Variants in TMC2 observed in about 807,000 individuals in gnomAD.
TMC2 encodes transmembrane channel like 2.
Under a neutral mutation model 105.9 loss-of-function variants are expected in TMC2, and 102 were observed. The observed-to-expected ratio is 0.96, with a 90% confidence interval of 0.82 to 1.14. The LOEUF (loss-of-function observed/expected upper bound fraction) is 1.14, where lower values mean the gene tolerates loss of function less well. Ranked by LOEUF, TMC2 falls within the 50% of genes most tolerant of loss-of-function variation. The pLI, the probability that TMC2 is intolerant of heterozygous loss-of-function variation, is 0.00. For synonymous variants in TMC2, 402 were observed against 422.8 expected, an observed-to-expected ratio of 0.95 and a Z score of 0.60; for missense variants, 1,093 against 1,134.3, an observed-to-expected ratio of 0.96 and a Z score of 0.52.
At chr20:2,629,866 T>C (rs996705) in intron 17 of TMC2, among the ~76,000 whole-genome samples, 114,904 of 152,234 alleles carry the variant, frequency 0.75, 43,510 homozygotes, top group East Asian at 0.87. Context: ...TATTGGAACA[T>C]ATTCATGCTC....
chr20:2,573,312 A>T (rs1437194440), intron 5 of TMC2, among the ~76,000 whole-genome samples: 1 of 152,024 alleles, frequency 6.6e-6, no homozygotes, highest in East Asian at 1.9e-4. Context: ...CACATCTAGG[A>T]TACCATACAT....
At chr20:2,637,064 C>T (rs1186721023) in intron 18 of TMC2, among the ~76,000 whole-genome samples, 1 of 152,026 alleles carries the variant, frequency 6.6e-6, no homozygotes, top group African/African-American at 2.4e-5. Context: ...GTTGTGAGGA[C>T]CAGTAACAGG....
intron 7 of TMC2, among the ~76,000 whole-genome samples, chr20:2,582,012 C>G (rs749103440): frequency 1.3e-5 from 2 of 151,712 alleles, no homozygotes; most frequent in African/African-American, 2.4e-5. Flanking sequence ...GAAAGAGGAG[C>G]CTTGGCTTGG....
intron 11 of TMC2, among the ~76,000 whole-genome samples, chr20:2,605,119 C>G (rs972842468): frequency 1.3e-5 from 2 of 152,118 alleles, no homozygotes; most frequent in South Asian, 4.1e-4. Context: ...TCTGTGCTCA[C>G]TCTGATTAGT....
chr20:2,579,453 G>A (rs556299431), intron 6 of TMC2, among the ~76,000 whole-genome samples: 7 of 149,554 alleles, frequency 4.7e-5, no homozygotes, highest in African/African-American at 9.9e-5. Flanking sequence ...ACAGAGTCTC[G>A]CTCTGTTGCC....
Position 2,616,944 on chromosome 20 carries a change from C to G in TMC2, c.1941-128C>G, listed in dbSNP as rs2086486771. The G allele has an allele frequency of 3.8e-6, 4 of 1,062,234 alleles. No individual in the cohort carries two copies. The South Asian group carries it at 6.1e-5, about 16-fold the overall frequency. The allele number at this position is 1,062,234 out of a possible 1,614,324, so 65.8% of individuals were successfully genotyped here. A position where few individuals can be genotyped will look rare whatever the true frequency, so the allele number is the denominator to read the frequency against. Reference sequence around the variant, plus strand: ...TTCTGGTTAAATGGGAGGCCCCTTACCTGGGGACTTGCCAGGAAAGCAGCT... The same window carrying G: ...TTCTGGTTAAATGGGAGGCCCCTTAGCTGGGGACTTGCCAGGAAAGCAGCT... On this transcript the variant is annotated intron_variant, in intron 15 of 19. Transcript: ENST00000358864. This position sits in a 1 kb window ranked among gnomAD's most constrained non-coding sequence, Gnocchi z 4.8.
At chr20:2,555,092 G>A (rs1377528527) in intron 2 of TMC2, among the ~76,000 whole-genome samples, 1 of 151,586 alleles carries the variant, frequency 6.6e-6, no homozygotes, top group Admixed American at 6.6e-5. Flanking sequence ...TTTTTGTTTT[G>A]TTTTTTGAGA....
chr20:2,594,227 T>C (rs1052175422), intron 8 of TMC2, among the ~76,000 whole-genome samples: 8 of 139,074 alleles, frequency 5.8e-5, no homozygotes, highest in Non-Finnish European at 1.3e-4. Context: ...AAGGATTCCT[T>C]TTTTTTTTTT....
chr20:2,562,028 C>A lies in TMC2; in HGVS notation c.554+18C>A. 2 of 1,608,570 alleles carry A rather than the reference C, an allele frequency of 1.2e-6. No individual in the cohort carries two copies. Among genetic ancestry groups the A allele is most frequent in the South Asian group, 2.2e-5 (2 of 90,312 alleles). On this transcript the variant is annotated intron_variant, in intron 4 of 19. Coordinates refer to ENST00000358864, the MANE Select transcript of TMC2 (RefSeq NM_080751.3). Reference sequence around the variant, plus strand: ...GAGCTCAGGTGAGCAGGCTGCGGGTCAGCCAGGGCCTTCCGATGTCCACAG... The same window carrying A: ...GAGCTCAGGTGAGCAGGCTGCGGGTAAGCCAGGGCCTTCCGATGTCCACAG...
intron 2 of TMC2, among the ~76,000 whole-genome samples, chr20:2,557,062 T>C (rs1267902737): frequency 6.6e-6 from 1 of 152,200 alleles, no homozygotes. Flanking sequence ...TAGGTGGAGA[T>C]TTTTGGCATT....
In TMC2 at chr20:2,558,874, G is replaced by A; in HGVS notation, c.401+100G>A. ...GAGGGACTGATGCCCCCCTCCCCGG[G>A]GAGAGGCAGCCCGTGCCCTCGCTCT... On this transcript the variant is annotated intron_variant, in intron 3 of 19. Coordinates refer to ENST00000358864, the MANE Select transcript of TMC2 (RefSeq NM_080751.3). This position sits in a 1 kb window ranked among gnomAD's most constrained non-coding sequence, Gnocchi z 4.6. 1 of 1,267,186 alleles carries A rather than the reference G, an allele frequency of 7.9e-7. No individual in the cohort carries two copies. Among genetic ancestry groups the A allele is most frequent in the Non-Finnish European group, 1.1e-6 (1 of 936,488 alleles). 78.5% of individuals were successfully genotyped at this position (1,267,186 alleles called of 1,614,324 possible). A position where few individuals can be genotyped will look rare whatever the true frequency, so the allele number is the denominator to read the frequency against.
chr20:2,616,049 C>A lies in TMC2; in HGVS notation c.1873-88C>A. ...TTGGGATGGAATGGCCTTGGCTTGG[C>A]CAGTTGGTTGGTAGTAGGGTTTGGC... On this transcript the variant is annotated intron_variant, in intron 14 of 19. Coordinates refer to ENST00000358864, the MANE Select transcript of TMC2 (RefSeq NM_080751.3). The surrounding 1 kb of genome is among the most constrained non-coding windows in gnomAD (Gnocchi z 4.8). The A allele has an allele frequency of 9.6e-7, 1 of 1,045,692 alleles. No individual in the cohort carries two copies. Among genetic ancestry groups the A allele is most frequent in the African/African-American group, 1.6e-5 (1 of 63,138 alleles). The allele number at this position is 1,045,692 out of a possible 1,614,324, so 64.8% of individuals were successfully genotyped here. A position where few individuals can be genotyped will look rare whatever the true frequency, so the allele number is the denominator to read the frequency against.
intron 17 of TMC2, among the ~76,000 whole-genome samples, chr20:2,624,621 AG>A (rs2086551307): frequency 6.6e-6 from 1 of 152,202 alleles, no homozygotes; most frequent in Non-Finnish European, 1.5e-5. Flanking sequence ...TCTGGGAGGC[AG>A]TGTGCCTCAG....
chr20:2,634,648 T>G (rs2086628522), intron 17 of TMC2, among the ~76,000 whole-genome samples: 1 of 152,170 alleles, frequency 6.6e-6, no homozygotes, highest in Admixed American at 6.5e-5. Flanking sequence ...CCCATGAGCA[T>G]TTTATCCACC....
intron 2 of TMC2, among the ~76,000 whole-genome samples, chr20:2,551,341 T>G (rs1440695024): frequency 6.8e-6 from 1 of 147,770 alleles, no homozygotes; most frequent in African/African-American, 2.5e-5. Flanking sequence ...CATGTGTGTA[T>G]TTTGGATACA....
At chr20:2,560,307 C>T (rs2086016955) in intron 3 of TMC2, among the ~76,000 whole-genome samples, 1 of 151,984 alleles carries the variant, frequency 6.6e-6, no homozygotes, top group East Asian at 1.9e-4. Context: ...GCTTTTCAAC[C>T]TTCAAGGGCA....
chr20:2,539,850 AT>A (rs2085877076), intron 2 of TMC2, among the ~76,000 whole-genome samples: 1 of 152,076 alleles, frequency 6.6e-6, no homozygotes, highest in Non-Finnish European at 1.5e-5. Flanking sequence ...ATCAAAGACT[AT>A]TTTTCCACAG....
In TMC2 at chr20:2,622,681, A is replaced by T. The variant is rs185974525; in HGVS notation, c.2181-1590A>T. 7.9e-3 allele frequency among the ~76,000 whole-genome samples: 1,174 copies of T among 149,202 alleles called. 11 individuals are homozygous for T. The highest frequency in any genetic ancestry group is 0.017 in the South Asian group (80 of 4,700). On this transcript the variant is annotated intron_variant, in intron 16 of 19. Transcript: ENST00000358864. ...GGACGACAGAGAGAGACTCTGTCTC[A>T]AAAAAAAAAGAAAGAAAGAAAAGAA... is the stretch of plus-strand genomic sequence containing the variant.
chr20:2,555,906 C>T (rs1411554725), intron 2 of TMC2, among the ~76,000 whole-genome samples: 4 of 152,080 alleles, frequency 2.6e-5, no homozygotes, highest in Non-Finnish European at 5.9e-5. Flanking sequence ...TCATGGGTAG[C>T]GCAGGTACTT....
Sources: allele counts gnomAD v4.1 joint callset (sites outside exome capture counted in the v4.1 genomes callset), GRCh38; gene constraint gnomAD v4.1.1; non-coding constraint Gnocchi (gnomAD v3.1); transcripts MANE v1.5; gene names NCBI Gene and HGNC (gene_info 2026-07-23, HGNC 2026-07-21).